Variants in ST3GAL1 observed in about 807,000 individuals in gnomAD.
ST3GAL1 encodes ST3 beta-galactoside alpha-2,3-sialyltransferase 1.
A neutral mutation model predicts 34.1 loss-of-function variants in ST3GAL1; 16 were observed. The observed-to-expected ratio is 0.47, with a 90% CI of 0.32 to 0.71. ST3GAL1 has a LOEUF of 0.71. Ranked by LOEUF, ST3GAL1 falls within the 30% of genes least tolerant of loss-of-function variation. The pLI is 0.04. For synonymous variants in ST3GAL1, 191 were observed against 184.7 expected, an observed-to-expected ratio of 1.03 and a Z score of -0.28; for missense variants, 353 against 447.4, an observed-to-expected ratio of 0.79 and a Z score of 1.90.
At chr8:133,490,404 C>A (rs2130976061) in intron 3 of ST3GAL1, among the ~76,000 whole-genome samples, 1 of 152,364 alleles carries the variant, frequency 6.6e-6, no homozygotes, top group Non-Finnish European at 1.5e-5. Flanking sequence ...AAGCCGCACA[C>A]TAGGCCGGCT....
At chr8:133,477,342 G>C (rs1816217508) in intron 3 of ST3GAL1, among the ~76,000 whole-genome samples, 1 of 152,208 alleles carries the variant, frequency 6.6e-6, no homozygotes, top group Admixed American at 6.5e-5. Context: ...AGAGCTGAGA[G>C]GATGAGATAT....
At chr8:133,497,659 G>A (rs1253195610) in intron 3 of ST3GAL1, among the ~76,000 whole-genome samples, 1 of 151,926 alleles carries the variant, frequency 6.6e-6, no homozygotes, top group African/African-American at 2.4e-5. Flanking sequence ...TTTTAGTAGA[G>A]ATAGGGTTTC....
chr8:133,511,692 C>T (rs1234307176), intron 2 of ST3GAL1, among the ~76,000 whole-genome samples: 5 of 152,160 alleles, frequency 3.3e-5, no homozygotes, highest in African/African-American at 9.7e-5. Context: ...TTTCGAGTCA[C>T]ATACTATTAG....
intron 6 of ST3GAL1, 38 bp from the exon 7 acceptor site, chr8:133,464,995 G>A (rs779183202): frequency 3.1e-5 from 49 of 1,581,930 alleles, no homozygotes; most frequent in Non-Finnish European, 4.0e-5. Context: ...CTTGTAGCAC[G>A]GGCACCCGTT....
intron 3 of ST3GAL1, among the ~76,000 whole-genome samples, chr8:133,498,428 G>T (rs1486885394): frequency 1.3e-5 from 2 of 152,160 alleles, no homozygotes; most frequent in African/African-American, 2.4e-5. Context: ...CTTCCAATGA[G>T]CCCTGCCCAT....
rs1819045103 is a variant in ST3GAL1 at position 133,556,837 on chromosome 8, T to C, written c.-581-10911A>G. Among the ~76,000 whole-genome samples, 1 of 152,234 alleles carries C rather than the reference T, an allele frequency of 6.6e-6. No homozygotes were observed. The highest frequency in any genetic ancestry group is 1.5e-5 in the Non-Finnish European group (1 of 68,020). On this transcript the variant is annotated intron_variant, in intron 1 of 9. Transcript: ENST00000522652. The surrounding 1 kb of genome is among the most constrained non-coding windows in gnomAD (Gnocchi z 8.9). Reference sequence around the variant, plus strand: ...GGTGGAGGGGGGACATTTTGTTCTTTTGGCCTCTTAGATGATAAAACTAAG... The same window carrying C: ...GGTGGAGGGGGGACATTTTGTTCTTCTGGCCTCTTAGATGATAAAACTAAG...
intron 2 of ST3GAL1, chr8:133,516,249 T>C (rs1294888810): frequency 6.6e-6 from 1 of 152,166 alleles, no homozygotes; most frequent in Non-Finnish European, 1.5e-5. Flanking sequence ...CACTCTCCCC[T>C]CTCTCTTGTT....
Position 133,467,406 on chromosome 8 carries a change from GT to G in ST3GAL1, c.307-1317del, listed in dbSNP as rs1815785485. 6.6e-6 allele frequency among the ~76,000 whole-genome samples: 1 copy of G among 152,214 alleles called. No individual in the cohort carries two copies. The highest frequency in any genetic ancestry group is 2.4e-5 in the African/African-American group (1 of 41,452). ...AACCCTGGAGAGATTTCATAAAAGT[GT>G]TGCATCTGACCTTGTCCCCATGCCA... is the stretch of plus-strand genomic sequence containing the variant. On this transcript the variant is annotated intron_variant, in intron 5 of 9. Coordinates refer to ENST00000522652, the MANE Select transcript of ST3GAL1 (RefSeq NM_173344.3). The surrounding 1 kb of genome is among the most constrained non-coding windows in gnomAD (Gnocchi z 4.2).
Position 133,467,307 on chromosome 8 carries a change from G to A in ST3GAL1, c.307-1217C>T, listed in dbSNP as rs4736676. On this transcript the variant is annotated intron_variant, in intron 5 of 9. Coordinates refer to ENST00000522652, the MANE Select transcript of ST3GAL1 (RefSeq NM_173344.3). This position sits in a 1 kb window ranked among gnomAD's most constrained non-coding sequence, Gnocchi z 4.2. ...CCCCGCTGCATGCCCAGGCCCGCCC[G>A]TCACCTCAGGTGGAGCTCTGGCCAC... is the stretch of plus-strand genomic sequence containing the variant. Among the ~76,000 whole-genome samples the A allele has an allele frequency of 0.43, 66,050 of 152,010 alleles. 15,905 individuals carry two copies. The highest frequency in any genetic ancestry group is 0.64 in the East Asian group (3,289 of 5,148).
intron 3 of ST3GAL1, among the ~76,000 whole-genome samples, chr8:133,486,514 G>A (rs575321629): frequency 6.6e-6 from 1 of 152,336 alleles, no homozygotes; most frequent in African/African-American, 2.4e-5. Context: ...AGGATCAGCC[G>A]TGAGGGGAGC....
chr8:133,472,070 C>T (rs1815983924), intron 5 of ST3GAL1, among the ~76,000 whole-genome samples: 2 of 151,770 alleles, frequency 1.3e-5, no homozygotes, highest in Admixed American at 6.6e-5. Flanking sequence ...GGACAGAGAC[C>T]CGAGGAGAGG....
intron 3 of ST3GAL1, among the ~76,000 whole-genome samples, chr8:133,497,022 C>T (rs1459185957): frequency 6.6e-6 from 1 of 152,120 alleles, no homozygotes; most frequent in Non-Finnish European, 1.5e-5. Flanking sequence ...AGGCTGGTGC[C>T]AATACCACCC....
At chr8:133,474,713 G>C (rs972103459) in intron 5 of ST3GAL1, among the ~76,000 whole-genome samples, 7 of 152,128 alleles carry the variant, frequency 4.6e-5, no homozygotes, top group Non-Finnish European at 1.0e-4. Context: ...TGCAGTGCAT[G>C]GTCCTGCTCT....
chr8:133,569,725 C>T (rs1392568844), intron 1 of ST3GAL1, among the ~76,000 whole-genome samples: 1 of 152,122 alleles, frequency 6.6e-6, no homozygotes, highest in Non-Finnish European at 1.5e-5. Context: ...CTGAGGGACC[C>T]CCGCACTGGG....
intron 3 of ST3GAL1, chr8:133,488,237 A>G (rs1335012461): frequency 1.3e-5 from 2 of 152,186 alleles, no homozygotes; most frequent in Non-Finnish European, 2.9e-5. Context: ...ACTTATCTCT[A>G]AGTAAATAAA....
rs184759780 is a variant in ST3GAL1, at chr8:133,461,087, A to G, written c.849+788T>C. Reference sequence around the variant, plus strand: ...GGCTGGAGGTGGGTGGGGTGGGGAAATGACAGGGGCACCCATGTTTCTACC... The same window carrying G: ...GGCTGGAGGTGGGTGGGGTGGGGAAGTGACAGGGGCACCCATGTTTCTACC... On this transcript the variant is annotated intron_variant, in intron 9 of 9. Transcript: ENST00000522652. The surrounding 1 kb of genome is among the most constrained non-coding windows in gnomAD (Gnocchi z 4.7). 6.6e-6 allele frequency among the ~76,000 whole-genome samples: 1 copy of G among 152,124 alleles called. No homozygotes were observed. The highest frequency in any genetic ancestry group is 1.5e-5 in the Non-Finnish European group (1 of 67,980).
At chr8:133,474,918 T>C (rs1388135542) in intron 5 of ST3GAL1, among the ~76,000 whole-genome samples, 1 of 152,188 alleles carries the variant, frequency 6.6e-6, no homozygotes, top group African/African-American at 2.4e-5. Context: ...AGAATAAAAT[T>C]CCATGAGAAT....
rs766217622 is a variant in ST3GAL1 at position 133,459,842 on chromosome 8, C to T, written c.945G>A (p.Val315=). ...CGTTAGACTCAAAGTCTGCATCGTGCACCCCCGTCTTGCGAAAAGCCCCCG... is the reference window on the plus strand; with the variant it reads ...CGTTAGACTCAAAGTCTGCATCGTGTACCCCCGTCTTGCGAAAAGCCCCCG... ...PSAGAFRKTG[V]HDADFESNVT... Residue 315 remains valine, a synonymous_variant, in exon 10 of 10, where the codon GTG becomes GTA. Coordinates refer to ENST00000522652, the MANE Select transcript of ST3GAL1 (RefSeq NM_173344.3). The surrounding 1 kb of genome is among the most constrained non-coding windows in gnomAD (Gnocchi z 4.7). The T allele has an allele frequency of 6.2e-7, 1 of 1,614,052 alleles. No individual in the cohort carries two copies. The highest frequency in any genetic ancestry group is 1.7e-5 in the Admixed American group (1 of 60,006).
intron 2 of ST3GAL1, among the ~76,000 whole-genome samples, chr8:133,515,069 C>T (rs1378302928): frequency 6.6e-6 from 1 of 152,188 alleles, no homozygotes; most frequent in Non-Finnish European, 1.5e-5. Context: ...ATCCAACTCC[C>T]CCACCCTCTG....
Sources: gnomAD v4.1 joint callset for allele counts (sites outside exome capture counted in the v4.1 genomes callset) on GRCh38, gnomAD v4.1.1 for gene constraint, Gnocchi (gnomAD v3.1) non-coding constraint, MANE v1.5 for transcripts, NCBI Gene and HGNC (gene_info 2026-07-23, HGNC 2026-07-21) for gene names.